The following SPACA6 variants were observed in gnomAD, a reference collection of about 807,000 sequenced individuals.
SPACA6 encodes sperm acrosome membrane-associated protein 6.
For synonymous variants in SPACA6, 6 were observed against 1.5 expected (o/e 4.05, Z -2.21); for missense variants, 8 against 2.8 (o/e 2.88, Z -1.34).
chr19:51,683,592 T>C, the SPACA6 span, among the ~76,000 whole-genome samples: 1 of 152,188 alleles, frequency 6.6e-6, no homozygotes, highest in African/African-American at 2.4e-5. Flanking sequence ...TAAGAATAAA[T>C]TGCCCTGTTA....
At chr19:51,690,350 C>T (rs1363349117), upstream of SPACA6, among the ~76,000 whole-genome samples, 2 of 152,110 alleles carry the variant, frequency 1.3e-5, no homozygotes, top group African/African-American at 4.8e-5. Context: ...TCCCAAGGAG[C>T]GCGGCCCCCA....
At chr19:51,694,309 T>C (rs1315036492) in intron 1 of SPACA6, 169 bp from the exon 2 acceptor site, 7 of 387,874 alleles carry the variant, frequency 1.8e-5, no homozygotes, top group Non-Finnish European at 3.2e-5. Context: ...TCAGGGAGGA[T>C]AGAGACTTGG....
rs1426416415 is a variant in SPACA6, at chr19:51,704,315, T to C, written c.776T>C (p.Phe259Ser). The C allele has an allele frequency of 2.5e-6, 1 of 400,668 alleles. No homozygotes were observed. The highest frequency in any genetic ancestry group is 2.1e-5 in the African/African-American group (1 of 48,660). The allele number at this position is 400,668 out of a possible 1,614,324, so 24.8% of individuals were successfully genotyped here. The change falls in exon 8 of 9, where the codon TTC becomes TCC. Residue 259 changes from phenylalanine (F) to serine (S), a missense_variant. Coordinates refer to ENST00000637797, the MANE Select transcript of SPACA6 (RefSeq NM_001316972.2). ...PRAETELQAS[F>S]REVLRWAPRD... is the part of the protein sequence containing the mutation. ...GCGGAGACAGAGTTGCAGGCCTCGT[T>C]CCGGGAAGTGCTGCGCTGGGCGCCG...
upstream of SPACA6, chr19:51,692,921 T>C (rs1489626415): frequency 1.9e-6 from 1 of 524,390 alleles, no homozygotes; most frequent in Non-Finnish European, 3.9e-6. This position sits in a 1 kb window ranked among gnomAD's most constrained non-coding sequence, Gnocchi z 5.6. Flanking sequence ...TCAGGGACCC[T>C]TAGCCCCACT....
At chr19:51,689,348 C>A (rs989934074), upstream of SPACA6, 3 of 151,002 alleles carry the variant, frequency 2.0e-5, no homozygotes, top group African/African-American at 7.3e-5. Flanking sequence ...GCCGCGCAGC[C>A]GGCGGGGTCC....
intron 2 of SPACA6, among the ~76,000 whole-genome samples, chr19:51,700,995 G>T (rs8112143): frequency 1.3e-5 from 2 of 152,128 alleles, no homozygotes; most frequent in South Asian, 4.1e-4. Context: ...GCTGAGGTGG[G>T]TGGATCACTT....
chr19:51,696,190 G>A (rs1282412890), intron 2 of SPACA6, among the ~76,000 whole-genome samples: 3 of 152,204 alleles, frequency 2.0e-5, no homozygotes, highest in South Asian at 2.1e-4. Context: ...CTCTGGGGTC[G>A]TGTCAAAGAT....
At chr19:51,685,821 A>G (rs958312458), upstream of SPACA6, 2 of 152,218 alleles carry the variant, frequency 1.3e-5, no homozygotes, top group Non-Finnish European at 2.9e-5. Flanking sequence ...CAGCCCCATG[A>G]AACAAAGTTT....
upstream of SPACA6, among the ~76,000 whole-genome samples, chr19:51,684,730 A>C (rs1868941): frequency 0.21 from 31,414 of 152,094 alleles, 3,492 homozygotes; most frequent in African/African-American, 0.29. Flanking sequence ...TGCAAAAAAA[A>C]CCCAAAACCT....
upstream of SPACA6, chr19:51,692,877 C>A (rs777412163): frequency 2.2e-5 from 12 of 533,952 alleles, no homozygotes; most frequent in East Asian, 6.0e-4. The surrounding 1 kb of genome is among the most constrained non-coding windows in gnomAD (Gnocchi z 5.6). Flanking sequence ...GCGCCCTGCA[C>A]GGGACGGGGC....
In SPACA6 at chr19:51,704,329, C is replaced by G; in HGVS notation, c.790C>G (p.Arg264Gly). 2.5e-6 allele frequency: 1 copy of G among 400,858 alleles called. No individual in the cohort carries two copies. Among genetic ancestry groups the G allele is most frequent in the Non-Finnish European group, 4.4e-6 (1 of 226,112 alleles). The allele number at this position is 400,858 out of a possible 1,614,324, so 24.8% of individuals were successfully genotyped here. A position where few individuals can be genotyped will look rare whatever the true frequency, so the allele number is the denominator to read the frequency against. Residue 264 changes from arginine to glycine, a missense_variant, in exon 8 of 9, where the codon CGC becomes GGC. By Grantham distance (125) the Arg-to-Gly change is moderately radical. Transcript: ENST00000637797. Reference sequence around the variant, plus strand: ...GCAGGCCTCGTTCCGGGAAGTGCTGCGCTGGGCGCCGCGGGATGCCGAGCT... The same window carrying G: ...GCAGGCCTCGTTCCGGGAAGTGCTGGGCTGGGCGCCGCGGGATGCCGAGCT... ...ELQASFREVL[R>G]WAPRDAELIE... is the part of the protein sequence containing the mutation.
intron 2 of SPACA6, among the ~76,000 whole-genome samples, chr19:51,697,808 T>C (rs1171934644): frequency 6.6e-6 from 1 of 152,182 alleles, no homozygotes; most frequent in Non-Finnish European, 1.5e-5. Context: ...AGATTATGTA[T>C]GCAGCGATTA....
At position 51,704,097 on chromosome 19, in the gene SPACA6, G is replaced by C; in HGVS notation, c.641G>C (p.Arg214Pro). ...GCCGAAGGATACCTGGCGCGGATCC[G>C]GCCGGCTCAGCTCACGCACCGCGGG... ...PRAEGYLARI[R>P]PAQLTHRGTF... Residue 214 changes from arginine (R) to proline (P), a missense_variant, in exon 7 of 9, where the codon CGG becomes CCG. Arg to Pro is a moderately radical substitution (Grantham distance 103). Transcript: ENST00000637797. 3 of 401,244 alleles carry C rather than the reference G, an allele frequency of 7.5e-6. No homozygotes were observed. The highest frequency in any genetic ancestry group is 1.3e-5 in the Non-Finnish European group (3 of 226,256). The allele number at this position is 401,244 out of a possible 1,614,324, so 24.9% of individuals were successfully genotyped here. A position where few individuals can be genotyped will look rare whatever the true frequency, so the allele number is the denominator to read the frequency against.
chr19:51,695,433 A>C (rs1314390792), intron 2 of SPACA6, among the ~76,000 whole-genome samples: 3 of 152,174 alleles, frequency 2.0e-5, no homozygotes, highest in Admixed American at 6.5e-5. Flanking sequence ...TAGGTCCAGG[A>C]GCTCAGGGCT....
chr19:51,692,745 CCTGT>C (rs541818120), upstream of SPACA6: 17 of 533,922 alleles, frequency 3.2e-5, no homozygotes, highest in East Asian at 1.1e-4. This position sits in a 1 kb window ranked among gnomAD's most constrained non-coding sequence, Gnocchi z 5.6. Flanking sequence ...CCTCCTGGTC[CCTGT>C]CTGTCTGTCT....
At chr19:51,684,717 A>C (rs145027438), upstream of SPACA6, among the ~76,000 whole-genome samples, 14 of 152,320 alleles carry the variant, frequency 9.2e-5, no homozygotes, top group East Asian at 2.7e-3. Context: ...GCTTAAAAAA[A>C]TTTGCAAAAA....
chr19:51,707,067 C>T (rs2083519412), downstream of SPACA6, among the ~76,000 whole-genome samples: 1 of 152,156 alleles, frequency 6.6e-6, no homozygotes, highest in Non-Finnish European at 1.5e-5. Flanking sequence ...TATTGATTTG[C>T]TCATTCAGCA....
At chr19:51,694,341 G>A (rs963934548) in intron 1 of SPACA6, 137 bp from the exon 2 acceptor site, 13 of 315,744 alleles carry the variant, frequency 4.1e-5, no homozygotes, top group African/African-American at 7.6e-5. Flanking sequence ...GAAGCATAGC[G>A]ACTGTGGGGC....
upstream of SPACA6, chr19:51,692,957 A>G: frequency 4.3e-6 from 2 of 469,630 alleles, no homozygotes; most frequent in Non-Finnish European, 4.4e-6. This position sits in a 1 kb window ranked among gnomAD's most constrained non-coding sequence, Gnocchi z 5.6. Context: ...CCCTGGGAGG[A>G]AGAGCCGGGC....
Sources: gnomAD v4.1 joint callset for allele counts (sites outside exome capture counted in the v4.1 genomes callset) on GRCh38, gnomAD v4.1.1 for gene constraint, Gnocchi (gnomAD v3.1) non-coding constraint, MANE v1.5 for transcripts, NCBI Gene and HGNC (gene_info 2026-07-23, HGNC 2026-07-21) for gene names.